The following CRB1 variants were observed in gnomAD, a reference collection of about 807,000 sequenced individuals.
CRB1 encodes protein crumbs homolog 1.
In CRB1, 83 loss-of-function variants were observed where a neutral mutation model predicts 120.0. That is an observed-to-expected ratio of 0.69 (90% CI 0.58 to 0.83). The LOEUF is 0.83. CRB1 is among the 40% of genes least tolerant of loss of function. CRB1 has a pLI of 0.00. For missense variants in CRB1, 1,699 were observed against 1,687.6 expected (o/e 1.01, Z -0.12); for synonymous variants, 625 against 612.5 (o/e 1.02, Z -0.30).
chr1:197,343,612 T>A (rs12061783), intron 2 of CRB1, among the ~76,000 whole-genome samples: 23,257 of 152,174 alleles, frequency 0.15, 2,677 homozygotes, highest in African/African-American at 0.31. Flanking sequence ...TAAAAATGTC[T>A]ATGCAAAATG....
intron 11 of CRB1, among the ~76,000 whole-genome samples, chr1:197,460,689 A>G (rs1293360939): frequency 1.3e-5 from 2 of 151,858 alleles, no homozygotes; most frequent in Non-Finnish European, 2.9e-5. Flanking sequence ...TCAAATCCTC[A>G]TTTTTTTCTC....
chr1:197,381,607 CAT>C (rs1661961913), intron 5 of CRB1, among the ~76,000 whole-genome samples: 2 of 152,160 alleles, frequency 1.3e-5, no homozygotes, highest in East Asian at 1.9e-4. Context: ...CTATAATACA[CAT>C]AGTTTGGTCA....
intron 5 of CRB1, among the ~76,000 whole-genome samples, chr1:197,399,661 A>T (rs1430312760): frequency 1.3e-5 from 2 of 152,234 alleles, no homozygotes; most frequent in South Asian, 4.1e-4. Flanking sequence ...ATAATGGCTT[A>T]GCTGTATTCT....
chr1:197,221,413 C>T, the CRB1 span, among the ~76,000 whole-genome samples: 1 of 152,186 alleles, frequency 6.6e-6, no homozygotes, highest in South Asian at 2.1e-4. Flanking sequence ...TCAAACCATA[C>T]CTCATCACAT....
intron 5 of CRB1, among the ~76,000 whole-genome samples, chr1:197,399,867 T>G (rs1662973294): frequency 6.6e-6 from 1 of 152,176 alleles, no homozygotes; most frequent in South Asian, 2.1e-4. Context: ...AATGGCAGTT[T>G]GACCACAGTC....
At chr1:197,464,276 G>A (rs1666657767) in intron 11 of CRB1, among the ~76,000 whole-genome samples, 2 of 152,116 alleles carry the variant, frequency 1.3e-5, no homozygotes, top group Admixed American at 6.6e-5. Flanking sequence ...TGTACAAGCC[G>A]AATGACCCTG....
chr1:197,330,501 G>A (rs1412061291), intron 2 of CRB1, among the ~76,000 whole-genome samples: 1 of 152,074 alleles, frequency 6.6e-6, no homozygotes, highest in Admixed American at 6.6e-5. Context: ...ACATTCCACC[G>A]AAGCCTTCTA....
At chr1:197,256,087 C>T in the CRB1 span, among the ~76,000 whole-genome samples, 5 of 149,388 alleles carry the variant, frequency 3.3e-5, no homozygotes, top group Non-Finnish European at 5.9e-5. Context: ...TTCTCTTGAA[C>T]ACATTGAAAT....
intron 1 of CRB1, among the ~76,000 whole-genome samples, chr1:197,310,066 C>T (rs1426513316): frequency 6.6e-6 from 1 of 152,108 alleles, no homozygotes; most frequent in Admixed American, 6.6e-5. Context: ...GGCTGAGAAC[C>T]ATGTGTGCAA....
chr1:197,400,510 A>C (rs1010076843), intron 5 of CRB1, among the ~76,000 whole-genome samples: 1 of 151,682 alleles, frequency 6.6e-6, no homozygotes, highest in African/African-American at 2.4e-5. Flanking sequence ...GATGTAATAC[A>C]CAAAGACACA....
intron 5 of CRB1, among the ~76,000 whole-genome samples, chr1:197,404,818 T>A (rs1295841309): frequency 6.6e-6 from 1 of 152,220 alleles, no homozygotes; most frequent in African/African-American, 2.4e-5. Flanking sequence ...TGTAACTAAT[T>A]TGTATTTGGG....
intron 3 of CRB1, 128 bp from the exon 4 acceptor site, chr1:197,347,212 C>T: frequency 3.6e-6 from 3 of 826,062 alleles, no homozygotes; most frequent in Non-Finnish European, 6.3e-6. Context: ...TAGATAATTC[C>T]CCAGAGTTTT....
chr1:197,211,934 C>T, the CRB1 span, among the ~76,000 whole-genome samples: 1 of 151,236 alleles, frequency 6.6e-6, no homozygotes, highest in Admixed American at 6.6e-5. Context: ...CTTAACTAAT[C>T]AATGAGACGA....
chr1:197,440,680 C>T (rs1665390664), intron 10 of CRB1: 1 of 152,318 alleles, frequency 6.6e-6, no homozygotes, highest in East Asian at 1.9e-4. Context: ...AAATAGTGGG[C>T]TATCTCCCAT....
At position 197,274,534 on chromosome 1, in the gene CRB1, G is replaced by A. The variant is rs140521065; in HGVS notation, c.70+6052G>A. On this transcript the variant is annotated intron_variant, in intron 1 of 11. Coordinates refer to ENST00000367400, the MANE Select transcript of CRB1 (RefSeq NM_201253.3). ...TAAAATTCTGTACATTTTGACAAAT[G>A]CACCATTAAAGTATTATGCAGAATA... Among the ~76,000 whole-genome samples, 67 of 152,198 alleles carry A rather than the reference G, an allele frequency of 4.4e-4. 1 individual carries two copies. In the East Asian group the frequency reaches 0.012, roughly 28 times the overall value.
At chr1:197,477,433 T>G (rs766556277) in intron 11 of CRB1, 55 of 614,234 alleles carry the variant, frequency 9.0e-5, no homozygotes, top group Non-Finnish European at 1.5e-4. Context: ...ATATAGTAGG[T>G]ATTTCATGCC....
chr1:197,462,873 A>G (rs1488582801), intron 11 of CRB1, among the ~76,000 whole-genome samples: 1 of 134,726 alleles, frequency 7.4e-6, no homozygotes, highest in Non-Finnish European at 1.6e-5. Flanking sequence ...CAGGCAGCCT[A>G]TAGCCAATGC....
At chr1:197,223,084 C>G in the CRB1 span, 2 of 797,954 alleles carry the variant, frequency 2.5e-6, no homozygotes, top group Non-Finnish European at 4.6e-6. Flanking sequence ...CAGCAAGTCC[C>G]TATAACCTTG....
At position 197,428,940 on chromosome 1, in the gene CRB1, GA is replaced by G. The variant is rs771966915; in HGVS notation, c.2677-507del. ...ATACTTTTTGTGAGCAACCTTGTGA[GA>G]ACTCAAATAATAATACTATGTCTCT... On this transcript the variant is annotated intron_variant, in intron 7 of 11. Coordinates refer to ENST00000367400, the MANE Select transcript of CRB1 (RefSeq NM_201253.3). 116 of 1,515,680 alleles carry G rather than the reference GA, an allele frequency of 7.7e-5. No homozygotes were observed. The South Asian group carries it at 1.4e-3, about 18-fold the overall frequency. 93.9% of individuals were successfully genotyped at this position (1,515,680 alleles called of 1,614,324 possible).
Sources: allele counts gnomAD v4.1 joint callset (sites outside exome capture counted in the v4.1 genomes callset), GRCh38; gene constraint gnomAD v4.1.1; transcripts MANE v1.5; gene names NCBI Gene and HGNC (gene_info 2026-07-23, HGNC 2026-07-21).